The following IMMP2L variants were observed in gnomAD, a reference collection of about 807,000 sequenced individuals.
IMMP2L encodes inner mitochondrial membrane peptidase subunit 2, also known as mitochondrial inner membrane protease subunit 2.
In IMMP2L, 18 loss-of-function variants were observed where a neutral mutation model predicts 19.3. The ratio of observed to expected loss-of-function variants is 0.93; its 90% CI spans 0.64 to 1.38. IMMP2L has a LOEUF of 1.38. Ranked by LOEUF, IMMP2L falls within the 40% of genes most tolerant of loss-of-function variation. The probability of loss-of-function intolerance (pLI) is 0.00; values close to 1 mark genes in which losing one functional copy is unlikely to be tolerated. For synonymous variants in IMMP2L, 76 were observed against 73.0 expected, an observed-to-expected ratio of 1.04 and a Z score of -0.21; for missense variants, 233 against 218.2, an observed-to-expected ratio of 1.07 and a Z score of -0.43.
chr7:110,942,914 A>C (rs1215944986), intron 4 of IMMP2L, among the ~76,000 whole-genome samples: 1 of 151,992 alleles, frequency 6.6e-6, no homozygotes, highest in East Asian at 1.9e-4. Flanking sequence ...GTGACTTGCA[A>C]AGTCAGTGTA....
In IMMP2L at chr7:111,163,645, T is replaced by C. The variant is rs6945684; in HGVS notation, c.240-200080A>G. The stretch of plus-strand genomic sequence containing the variant: ...TTAGCTGGTGGAGTTTCATGAGCTT[T>C]AGATGAGGGTAGGAAGGGATAAGGG... On this transcript the variant is annotated intron_variant, in intron 3 of 5. Transcript: ENST00000405709. Among the ~76,000 whole-genome samples, 907 of 152,130 alleles carry C rather than the reference T, an allele frequency of 6.0e-3. 12 individuals are homozygous for C. The highest frequency in any genetic ancestry group is 0.021 in the African/African-American group (880 of 41,504).
chr7:111,116,032 A>T (rs900170589), intron 3 of IMMP2L, among the ~76,000 whole-genome samples: 1 of 152,192 alleles, frequency 6.6e-6, no homozygotes, highest in South Asian at 2.1e-4. Context: ...AATTCTAAAA[A>T]CAAGAGAAGA....
chr7:111,560,140 A>C (rs1791866685), intron 1 of IMMP2L, among the ~76,000 whole-genome samples: 1 of 152,198 alleles, frequency 6.6e-6, no homozygotes, highest in Non-Finnish European at 1.5e-5. Flanking sequence ...AAGTTGAAGA[A>C]ACAAGTATCA....
At chr7:111,132,345 A>G (rs1340581642) in intron 3 of IMMP2L, among the ~76,000 whole-genome samples, 1 of 152,034 alleles carries the variant, frequency 6.6e-6, no homozygotes, top group Non-Finnish European at 1.5e-5. Flanking sequence ...CCATTACAGG[A>G]AAATACAGAA....
intron 3 of IMMP2L, among the ~76,000 whole-genome samples, chr7:111,476,338 C>T (rs540020319): frequency 3.9e-5 from 6 of 152,194 alleles, no homozygotes; most frequent in African/African-American, 7.2e-5. Flanking sequence ...TAAATAAAAT[C>T]GGTGTTTTCA....
At chr7:111,368,801 T>A (rs1400595071) in intron 3 of IMMP2L, among the ~76,000 whole-genome samples, 1 of 151,996 alleles carries the variant, frequency 6.6e-6, no homozygotes, top group African/African-American at 2.4e-5. Context: ...ACTTTTATTC[T>A]TTTCCAATGG....
chr7:111,363,641 C>G (rs1351019821), intron 3 of IMMP2L, among the ~76,000 whole-genome samples: 1 of 151,866 alleles, frequency 6.6e-6, no homozygotes, highest in Non-Finnish European at 1.5e-5. Context: ...TACGGTCTTT[C>G]CCCCCTTCAA....
intron 3 of IMMP2L, among the ~76,000 whole-genome samples, chr7:111,019,022 G>C (rs573435153): frequency 6.6e-6 from 1 of 151,772 alleles, no homozygotes; most frequent in African/African-American, 2.4e-5. Context: ...TCTAAATAGA[G>C]GATACACTGT....
chr7:111,456,357 T>C (rs533497352), intron 3 of IMMP2L, among the ~76,000 whole-genome samples: 2,941 of 151,746 alleles, frequency 0.019, 83 homozygotes, highest in African/African-American at 0.068. Context: ...ATTCTTCCTT[T>C]TTGATGTACT....
chr7:111,396,951 C>T (rs1383810920), intron 3 of IMMP2L, among the ~76,000 whole-genome samples: 1 of 149,540 alleles, frequency 6.7e-6, no homozygotes, highest in South Asian at 2.1e-4. Context: ...AGCTAGGCAT[C>T]GTGGCAGGCG....
intron 5 of IMMP2L, among the ~76,000 whole-genome samples, chr7:110,851,607 C>T (rs539005848): frequency 6.6e-6 from 1 of 152,184 alleles, no homozygotes; most frequent in African/African-American, 2.4e-5. Flanking sequence ...TTTTCCTTTT[C>T]CTAAATGTGA....
At chr7:110,814,888 C>A (rs73417298) in intron 5 of IMMP2L, among the ~76,000 whole-genome samples, 13,385 of 151,742 alleles carry the variant, frequency 0.088, 906 homozygotes, top group African/African-American at 0.19. Flanking sequence ...CTATTTCCTC[C>A]TCAATATGCC....
rs1407905517 is a variant in IMMP2L, at chr7:111,323,041, T to C, written c.239+164197A>G. ...TGTAATAAACTCTCTTTCTTCAAAA[T>C]GAAAAAAAGAAAGCAAATAAAATGA... On this transcript the variant is annotated intron_variant, in intron 3 of 5. Transcript: ENST00000405709. Among the ~76,000 whole-genome samples the C allele has an allele frequency of 2.0e-5, 3 of 149,790 alleles. 1 individual carries two copies. The highest frequency in any genetic ancestry group is 6.6e-5 in the Admixed American group (1 of 15,042).
At chr7:110,673,336 C>T (rs913540032) in intron 5 of IMMP2L, among the ~76,000 whole-genome samples, 1 of 152,196 alleles carries the variant, frequency 6.6e-6, no homozygotes, top group Non-Finnish European at 1.5e-5. Flanking sequence ...GTCCTGGGCC[C>T]AGCCCATGAA....
intron 3 of IMMP2L, among the ~76,000 whole-genome samples, chr7:111,255,435 C>T (rs947934770): frequency 6.6e-6 from 1 of 151,946 alleles, no homozygotes; most frequent in Non-Finnish European, 1.5e-5. Context: ...ACATGCTCCA[C>T]TTAAAATGAT....
intron 5 of IMMP2L, among the ~76,000 whole-genome samples, chr7:110,706,981 T>C (rs1011133602): frequency 1.1e-4 from 15 of 140,630 alleles, no homozygotes; most frequent in African/African-American, 4.0e-4. Context: ...GTTTGAGGTG[T>C]TACACTTAAA....
At chr7:111,170,168 A>G (rs1806271740) in intron 3 of IMMP2L, among the ~76,000 whole-genome samples, 1 of 151,870 alleles carries the variant, frequency 6.6e-6, no homozygotes, top group Non-Finnish European at 1.5e-5. Context: ...AAAACCCAAT[A>G]TTAAAAATCT....
intron 3 of IMMP2L, chr7:111,392,147 T>C (rs1832420020): frequency 1.6e-6 from 1 of 607,800 alleles, no homozygotes; most frequent in Non-Finnish European, 2.9e-6. Flanking sequence ...AACATACTTT[T>C]AGCCCCAAAG....
chr7:111,388,872 C>T (rs1004367738), intron 3 of IMMP2L, among the ~76,000 whole-genome samples: 2 of 151,988 alleles, frequency 1.3e-5, no homozygotes, highest in African/African-American at 4.8e-5. Flanking sequence ...ACAGCCAAGC[C>T]ATATCAATAT....
Sources: gnomAD v4.1 joint callset for allele counts (sites outside exome capture counted in the v4.1 genomes callset) on GRCh38, gnomAD v4.1.1 for gene constraint, MANE v1.5 for transcripts, NCBI Gene and HGNC (gene_info 2026-07-23, HGNC 2026-07-21) for gene names.